Variants in CSMD1 observed in about 807,000 individuals in gnomAD.
The protein encoded by CSMD1 is CUB and sushi domain-containing protein 1.
Under a neutral mutation model 417.5 loss-of-function variants are expected in CSMD1, and 213 were observed. That is an observed-to-expected ratio of 0.51 (90% CI 0.46 to 0.57). The LOEUF (loss-of-function observed/expected upper bound fraction) is 0.57. Ranked by LOEUF, CSMD1 falls within the 20% of genes least tolerant of loss-of-function variation. CSMD1 has a pLI of 0.00. For missense variants in CSMD1, 6,923 were observed against 4,529.7 expected (o/e 1.53, Z -15.17); for synonymous variants, 2,862 against 1,736.8 (o/e 1.65, Z -16.11).
At chr8:4,714,329 T>G (rs1467221896) in intron 1 of CSMD1, among the ~76,000 whole-genome samples, 1 of 152,066 alleles carries the variant, frequency 6.6e-6, no homozygotes, top group Non-Finnish European at 1.5e-5. Flanking sequence ...TTTCTCACAC[T>G]TGCAAAGTTT....
intron 2 of CSMD1, among the ~76,000 whole-genome samples, chr8:4,447,193 T>C (rs1040918356): frequency 2.6e-5 from 4 of 152,210 alleles, no homozygotes; most frequent in East Asian, 3.9e-4. Context: ...CCAATTATTA[T>C]GGATAAGGGA....
chr8:3,661,902 G>C (rs151018510), intron 7 of CSMD1, among the ~76,000 whole-genome samples: 13 of 152,286 alleles, frequency 8.5e-5, no homozygotes, highest in Admixed American at 1.3e-4. Context: ...GAAGATGGAA[G>C]AAGACAGCAA....
intron 5 of CSMD1, among the ~76,000 whole-genome samples, chr8:3,766,443 G>A (rs976203909): frequency 2.5e-4 from 38 of 152,174 alleles, no homozygotes; most frequent in African/African-American, 8.9e-4. Context: ...GGTTACTACT[G>A]TCTGTGAAGA....
At position 3,230,842 on chromosome 8, in the gene CSMD1, A is replaced by G. The variant is rs573639735; in HGVS notation, c.4154-611T>C. Among the ~76,000 whole-genome samples, 651 of 152,314 alleles carry G rather than the reference A, an allele frequency of 4.3e-3. 2 individuals carry two copies. The highest frequency in any genetic ancestry group is 0.013 in the South Asian group (63 of 4,826). On this transcript the variant is annotated intron_variant, in intron 26 of 69. Transcript: ENST00000635120. ...ATTATATGGCCACCCTAATATTAACAAAAGCTCTGAAAATAATATCCTGCC... is the reference window on the plus strand; with the variant it reads ...ATTATATGGCCACCCTAATATTAACGAAAGCTCTGAAAATAATATCCTGCC...
chr8:4,179,760 T>TG (rs558020502), intron 3 of CSMD1, among the ~76,000 whole-genome samples: 151,937 of 152,096 alleles, frequency 1, 75,889 homozygotes, highest in Middle Eastern at 1. Flanking sequence ...CATCAAAAAG[T>TG]GGTGAACAAT....
At chr8:3,738,112 C>G (rs752312418) in intron 6 of CSMD1, among the ~76,000 whole-genome samples, 1 of 152,142 alleles carries the variant, frequency 6.6e-6, no homozygotes, top group African/African-American at 2.4e-5. Context: ...TGGGCTCTAA[C>G]ATACACTTTT....
At chr8:2,997,100 T>C (rs1806968659) in intron 54 of CSMD1, among the ~76,000 whole-genome samples, 1 of 152,246 alleles carries the variant, frequency 6.6e-6, no homozygotes, top group Admixed American at 6.5e-5. Flanking sequence ...CATTCTGCAC[T>C]GTGGTTAGTT....
rs141157774 is a variant in CSMD1, at chr8:4,040,075, A to T, written c.416-7976T>A. The stretch of plus-strand genomic sequence containing the variant: ...ATGCAAATGTTAGGGAAATAATACA[A>T]TTTTCAAAGTATACAGAGATTTTAA... On this transcript the variant is annotated intron_variant, in intron 3 of 69. Coordinates refer to ENST00000635120, the MANE Select transcript of CSMD1 (RefSeq NM_033225.6). Among the ~76,000 whole-genome samples the T allele has an allele frequency of 8.7e-3, 1,331 of 152,314 alleles. 5 individuals carry two copies. The highest frequency in any genetic ancestry group is 0.014 in the Middle Eastern group (4 of 294).
chr8:3,339,932 A>G (rs1023763226), intron 23 of CSMD1, among the ~76,000 whole-genome samples: 1 of 152,228 alleles, frequency 6.6e-6, no homozygotes, highest in Non-Finnish European at 1.5e-5. Context: ...TAACGAAGGT[A>G]CACTTTTAAA....
At chr8:4,190,700 C>G (rs1435186861) in intron 3 of CSMD1, among the ~76,000 whole-genome samples, 1 of 151,994 alleles carries the variant, frequency 6.6e-6, no homozygotes, top group African/African-American at 2.4e-5. Context: ...TATGAATTAA[C>G]AAACATTTTA....
chr8:3,216,239 T>C (rs1233673334), intron 29 of CSMD1, among the ~76,000 whole-genome samples: 1 of 152,052 alleles, frequency 6.6e-6, no homozygotes, highest in Non-Finnish European at 1.5e-5. Flanking sequence ...TTAAATCCCA[T>C]ATAGAATATA....
At chr8:3,960,809 T>C (rs2129977615) in intron 5 of CSMD1, among the ~76,000 whole-genome samples, 1 of 152,034 alleles carries the variant, frequency 6.6e-6, no homozygotes, top group East Asian at 1.9e-4. Flanking sequence ...AATTTATTAT[T>C]TTTACTGAAT....
intron 1 of CSMD1, among the ~76,000 whole-genome samples, chr8:4,806,421 C>A (rs989461088): frequency 2.6e-5 from 4 of 152,056 alleles, no homozygotes; most frequent in African/African-American, 4.8e-5. Context: ...ATAAAAGTCC[C>A]CTGGATGATG....
At chr8:4,315,291 G>T (rs750220590) in intron 3 of CSMD1, among the ~76,000 whole-genome samples, 2 of 152,154 alleles carry the variant, frequency 1.3e-5, no homozygotes, top group Admixed American at 6.5e-5. Flanking sequence ...AGTATGCGAG[G>T]AGACCCTTTT....
rs972404459 is a variant in CSMD1, at chr8:4,087,825, G to C, written c.416-55726C>G. The stretch of plus-strand genomic sequence containing the variant: ...TTTATTTTAGCATTATTTTCCCTTT[G>C]TCACCTAGCATAATAATGCCTACCT... On this transcript the variant is annotated intron_variant, in intron 3 of 69. Transcript: ENST00000635120. Among the ~76,000 whole-genome samples, 3 of 151,572 alleles carry C rather than the reference G, an allele frequency of 2.0e-5. No homozygotes were observed. The South Asian group carries it at 6.3e-4, about 32-fold the overall frequency.
chr8:3,957,588 G>A (rs1230306959), intron 5 of CSMD1, among the ~76,000 whole-genome samples: 2 of 152,106 alleles, frequency 1.3e-5, no homozygotes, highest in East Asian at 1.9e-4. Context: ...GAAGGCTGAG[G>A]TGGACAGATG....
chr8:3,584,092 T>G (rs1294620068), intron 9 of CSMD1, among the ~76,000 whole-genome samples: 3 of 152,194 alleles, frequency 2.0e-5, no homozygotes, highest in Admixed American at 6.5e-5. Context: ...AGTTTATTAC[T>G]TCAAATACAT....
intron 5 of CSMD1, among the ~76,000 whole-genome samples, chr8:3,822,988 C>T (rs954894864): frequency 1.3e-5 from 2 of 152,214 alleles, no homozygotes; most frequent in East Asian, 3.9e-4. Context: ...TGCCCAGGTT[C>T]CCTTTGGTTA....
chr8:4,394,753 A>C (rs73658842), intron 3 of CSMD1, among the ~76,000 whole-genome samples: 7,203 of 152,212 alleles, frequency 0.047, 570 homozygotes, highest in African/African-American at 0.16. Context: ...TCCTGATCTT[A>C]ATCAGATCCA....
Sources: gnomAD v4.1 joint callset for allele counts (sites outside exome capture counted in the v4.1 genomes callset) on GRCh38, gnomAD v4.1.1 for gene constraint, MANE v1.5 for transcripts, NCBI Gene and HGNC (gene_info 2026-07-23, HGNC 2026-07-21) for gene names.